The following LMO2 variants were observed in gnomAD, a reference collection of about 807,000 sequenced individuals.
LMO2 encodes LIM domain only 2, also known as rhombotin-2.
A neutral mutation model predicts 23.2 loss-of-function variants in LMO2; 20 were observed. The ratio of observed to expected loss-of-function variants is 0.86; its 90% CI spans 0.61 to 1.25. The LOEUF (loss-of-function observed/expected upper bound fraction) is 1.25, where lower values mean the gene tolerates loss of function less well. Ranked by LOEUF, LMO2 falls within the 50% of genes most tolerant of loss-of-function variation. The pLI, the probability that LMO2 is intolerant of heterozygous loss-of-function variation, is 0.00. For synonymous variants in LMO2, 123 were observed against 130.2 expected, an observed-to-expected ratio of 0.94 and a Z score of 0.38; for missense variants, 270 against 315.3, an observed-to-expected ratio of 0.86 and a Z score of 1.09.
chr11:33,876,297 C>T (rs1238954174), intron 2 of LMO2, among the ~76,000 whole-genome samples: 1 of 152,124 alleles, frequency 6.6e-6, no homozygotes, highest in African/African-American at 2.4e-5. Flanking sequence ...TTGTTTTGGC[C>T]TTTCCTCCCA....
chr11:33,880,271 C>T lies in LMO2; in HGVS notation c.-272+1553G>A, dbSNP rs1565034758. On this transcript the variant is annotated intron_variant, in intron 2 of 5. Transcript: ENST00000257818. This position sits in a 1 kb window ranked among gnomAD's most constrained non-coding sequence, Gnocchi z 4.3. ...ACACATGATATATATATCATACATACACATGATATATATCATATATATCAT... is the reference window on the plus strand; with the variant it reads ...ACACATGATATATATATCATACATATACATGATATATATCATATATATCAT... Among the ~76,000 whole-genome samples the T allele has an allele frequency of 2.3e-5, 3 of 132,606 alleles. No homozygotes were observed. The East Asian group carries it at 8.8e-4, about 39-fold the overall frequency. The allele number at this position is 132,606 out of a possible 152,430, so 87.0% of individuals were successfully genotyped here.
chr11:33,881,046 G>T, intron 2 of LMO2: 1 of 380,314 alleles, frequency 2.6e-6, no homozygotes, highest in South Asian at 1.9e-5. Flanking sequence ...CTAGATATCT[G>T]CCCTCCTGTC....
intron 2 of LMO2, among the ~76,000 whole-genome samples, chr11:33,872,371 T>C (rs1023564073): frequency 6.6e-6 from 1 of 152,148 alleles, no homozygotes; most frequent in Non-Finnish European, 1.5e-5. Flanking sequence ...TTGCCTAAGT[T>C]ATTGTGGGGA....
rs930499058 is a variant in LMO2 at position 33,891,896 on chromosome 11, C to T, written c.-437G>A. 1.7e-4 allele frequency: 26 copies of T among 152,242 alleles called. No individual in the cohort carries two copies. The highest frequency in any genetic ancestry group is 4.8e-4 in the African/African-American group (20 of 41,420). The allele number at this position is 152,242 out of a possible 1,614,324, so 9.4% of individuals were successfully genotyped here. On this transcript the variant is annotated 5_prime_UTR_variant, in exon 1 of 6. Coordinates refer to ENST00000257818, the MANE Select transcript of LMO2 (RefSeq NM_005574.4). ...TGCCTGCTTTGCACCTGTTCCTTCTCGGGAGGCCCTGGCACCCTAGCACCT... is the reference window on the plus strand; with the variant it reads ...TGCCTGCTTTGCACCTGTTCCTTCTTGGGAGGCCCTGGCACCCTAGCACCT...
rs1362419056 is a variant in LMO2, at chr11:33,869,592, A to G, written c.8-6T>C. The G allele has an allele frequency of 1.5e-6, 2 of 1,293,016 alleles. No individual in the cohort carries two copies. Among genetic ancestry groups the G allele is most frequent in the Non-Finnish European group, 2.0e-6 (2 of 1,009,544 alleles). The allele number at this position is 1,293,016 out of a possible 1,614,324, so 80.1% of individuals were successfully genotyped here. On this transcript the variant is annotated splice_polypyrimidine_tract_variant and splice_region_variant and intron_variant, in intron 3 of 5. Transcript: ENST00000257818. ...AAGGACAGTCACCGCGCTCCCTTCA[A>G]ACGCCAAAGAGAGAGAGCGAATCAC...
intron 1 of LMO2, among the ~76,000 whole-genome samples, chr11:33,885,010 G>A (rs967529493): frequency 6.6e-6 from 1 of 152,102 alleles, no homozygotes; most frequent in Non-Finnish European, 1.5e-5. Context: ...CACTCTTCTG[G>A]CCCCAAGTCA....
At chr11:33,873,852 G>C (rs1857079002) in intron 2 of LMO2, among the ~76,000 whole-genome samples, 1 of 152,106 alleles carries the variant, frequency 6.6e-6, no homozygotes, top group Non-Finnish European at 1.5e-5. Flanking sequence ...ATTTACAATT[G>C]TTTTCTAAGG....
intron 5 of LMO2, among the ~76,000 whole-genome samples, chr11:33,863,268 A>C (rs572135095): frequency 6.6e-6 from 1 of 152,210 alleles, no homozygotes; most frequent in Non-Finnish European, 1.5e-5. Context: ...AAGCATGATC[A>C]TTGCAAAATC....
intron 2 of LMO2, among the ~76,000 whole-genome samples, chr11:33,877,037 T>G (rs932662): frequency 0.82 from 124,336 of 152,240 alleles, 51,559 homozygotes; most frequent in East Asian, 1. Flanking sequence ...GGGCTTTCTT[T>G]GCTGGACATA....
intron 2 of LMO2, among the ~76,000 whole-genome samples, chr11:33,875,107 C>G (rs1857105347): frequency 6.6e-6 from 1 of 152,204 alleles, no homozygotes; most frequent in African/African-American, 2.4e-5. Flanking sequence ...GGGCATGTTG[C>G]CCAACCTCTC....
At chr11:33,882,519 A>C (rs536223788) in intron 1 of LMO2, among the ~76,000 whole-genome samples, 1 of 152,310 alleles carries the variant, frequency 6.6e-6, no homozygotes, top group African/African-American at 2.4e-5. Flanking sequence ...ATGTCTTTTG[A>C]AAATTTATTT....
intron 2 of LMO2, 83 bp from the exon 3 acceptor site, chr11:33,870,070 CTTTTTTTT>C: frequency 4.2e-6 from 1 of 237,876 alleles, no homozygotes; most frequent in Non-Finnish European, 6.4e-6. Context: ...TTTTTTCTTC[CTTTTTTTT>C]TTTTTTTTTT....
intron 5 of LMO2, among the ~76,000 whole-genome samples, chr11:33,861,755 CA>C (rs1202589401): frequency 2.0e-5 from 3 of 152,116 alleles, no homozygotes; most frequent in Non-Finnish European, 4.4e-5. Context: ...AAAGGGAAGT[CA>C]GGGGGTAAAT....
At chr11:33,870,418 C>T (rs1856981993) in intron 2 of LMO2, 1 of 985,494 alleles carries the variant, frequency 1.0e-6, no homozygotes, top group Non-Finnish European at 1.2e-6. Flanking sequence ...ACGCCGTGCA[C>T]TGGGATGCCC....
chr11:33,881,931 G>A (rs1251062602), intron 1 of LMO2, 44 bp from the exon 2 acceptor site: 1 of 153,038 alleles, frequency 6.5e-6, no homozygotes, highest in East Asian at 1.9e-4. Context: ...ACAGCTAGAA[G>A]TAGAAAGGAG....
chr11:33,866,042 A>G (rs1856770402), intron 4 of LMO2, among the ~76,000 whole-genome samples: 1 of 152,222 alleles, frequency 6.6e-6, no homozygotes, highest in South Asian at 2.1e-4. Flanking sequence ...CCCTGCAGGT[A>G]TAAATCCATG....
intron 1 of LMO2, among the ~76,000 whole-genome samples, chr11:33,884,814 G>C (rs1857367739): frequency 1.3e-5 from 2 of 152,196 alleles, no homozygotes; most frequent in Admixed American, 1.3e-4. Flanking sequence ...TACTCCTTCT[G>C]GGAAGCTGGC....
chr11:33,887,755 G>T (rs1485392773), intron 1 of LMO2, among the ~76,000 whole-genome samples: 1 of 152,008 alleles, frequency 6.6e-6, no homozygotes, highest in African/African-American at 2.4e-5. Flanking sequence ...TTTGCTTTTT[G>T]TAGAGATGGG....
intron 2 of LMO2, among the ~76,000 whole-genome samples, chr11:33,872,880 G>C (rs1385367459): frequency 6.6e-6 from 1 of 152,080 alleles, no homozygotes; most frequent in Non-Finnish European, 1.5e-5. Context: ...CCCTGCCTCA[G>C]CCTCCCGAGT....
Sources: gnomAD v4.1 joint callset for allele counts (sites outside exome capture counted in the v4.1 genomes callset) on GRCh38, gnomAD v4.1.1 for gene constraint, Gnocchi (gnomAD v3.1) non-coding constraint, MANE v1.5 for transcripts, NCBI Gene and HGNC (gene_info 2026-07-23, HGNC 2026-07-21) for gene names.